Variants in EXTL3 observed in about 807,000 individuals in gnomAD.
EXTL3 encodes the protein exostosin-like 3.
Under a neutral mutation model 69.3 loss-of-function variants are expected in EXTL3, and 27 were observed. The observed-to-expected ratio is 0.39, with a 90% CI of 0.29 to 0.54. The LOEUF (loss-of-function observed/expected upper bound fraction) is 0.54, where lower values mean the gene tolerates loss of function less well. Ranked by LOEUF, EXTL3 falls within the 20% of genes least tolerant of loss-of-function variation. The pLI, the probability that EXTL3 is intolerant of heterozygous loss-of-function variation, is 0.69. For synonymous variants in EXTL3, 511 were observed against 499.4 expected, an observed-to-expected ratio of 1.02 and a Z score of -0.31; for missense variants, 1,003 against 1,231.8, an observed-to-expected ratio of 0.81 and a Z score of 2.78.
intron 1 of EXTL3, among the ~76,000 whole-genome samples, chr8:28,635,392 TAAAA>T (rs372980960): frequency 0.025 from 2,906 of 114,402 alleles, 97 homozygotes; most frequent in African/African-American, 0.081. Context: ...ACTGGTCTCT[TAAAA>T]AAAAAAAAAA....
chr8:28,715,808 A>G lies in EXTL3; in HGVS notation c.-252A>G, dbSNP rs567623206. 45 of 493,014 alleles carry G rather than the reference A, an allele frequency of 9.1e-5. No individual in the cohort carries two copies. The East Asian group carries it at 1.4e-3, about 16-fold the overall frequency. 30.5% of individuals were successfully genotyped at this position (493,014 alleles called of 1,614,324 possible). A position where few individuals can be genotyped will look rare whatever the true frequency, so the allele number is the denominator to read the frequency against. ...TCTCAGCAAGAATGTGGCACCTTTT[A>G]TCGTTTGATAAAGATTAAGGACATG... On this transcript the variant is annotated 5_prime_UTR_variant, in exon 3 of 7. Transcript: ENST00000220562.
chr8:28,650,410 T>G (rs567557997), intron 1 of EXTL3, among the ~76,000 whole-genome samples: 29 of 151,944 alleles, frequency 1.9e-4, no homozygotes, highest in African/African-American at 7.0e-4. Flanking sequence ...CAGGCTGGAG[T>G]GCAGTGGCGC....
chr8:28,681,866 C>T (rs1308416427), intron 1 of EXTL3, among the ~76,000 whole-genome samples: 1 of 152,128 alleles, frequency 6.6e-6, no homozygotes, highest in Non-Finnish European at 1.5e-5. Flanking sequence ...CCAGCCTGAC[C>T]AACATGGAGA....
chr8:28,698,124 T>C (rs1442523215), upstream of EXTL3: 1 of 152,188 alleles, frequency 6.6e-6, no homozygotes, highest in African/African-American at 2.4e-5. Context: ...GGTGTGAAAC[T>C]GTAGAGGATC....
intron 2 of EXTL3, among the ~76,000 whole-genome samples, chr8:28,611,868 C>A (rs574899996): frequency 6.6e-6 from 1 of 152,202 alleles, no homozygotes; most frequent in African/African-American, 2.4e-5. Context: ...CTGTTCGCTG[C>A]GATGCCAGCC....
At chr8:28,721,219 G>A (rs1252638941) in intron 3 of EXTL3, among the ~76,000 whole-genome samples, 13 of 152,168 alleles carry the variant, frequency 8.5e-5, no homozygotes, top group African/African-American at 2.7e-4. Context: ...GCCCTGTCTC[G>A]TGAATGGCCA....
intron 1 of EXTL3, 99 bp from the exon 2 acceptor site, chr8:28,713,358 A>T (rs1276420756): frequency 1.7e-6 from 1 of 594,852 alleles, no homozygotes; most frequent in Non-Finnish European, 3.0e-6. Flanking sequence ...TTCATAGGGG[A>T]CAGTAAATAG....
At position 28,751,319 on chromosome 8, in the gene EXTL3, G is replaced by A. The variant is rs1380186417; in HGVS notation, c.*453G>A. ...TATATATTTTTGGCTGGGGGAGTGT[G>A]AGTTTTGCCTTTCTAAGGGAGGGAC... is the stretch of plus-strand genomic sequence containing the variant. On this transcript the variant is annotated 3_prime_UTR_variant, in exon 7 of 7. Transcript: ENST00000220562. The A allele has an allele frequency of 5.6e-6, 1 of 178,368 alleles. No individual in the cohort carries two copies. The highest frequency in any genetic ancestry group is 1.2e-5 in the Non-Finnish European group (1 of 82,702). 11.0% of individuals were successfully genotyped at this position (178,368 alleles called of 1,614,324 possible). A position where few individuals can be genotyped will look rare whatever the true frequency, so the allele number is the denominator to read the frequency against.
chr8:28,675,332 C>T (rs1027393674), intron 1 of EXTL3, among the ~76,000 whole-genome samples: 6 of 152,144 alleles, frequency 3.9e-5, no homozygotes, highest in African/African-American at 1.2e-4. Context: ...ACTCATCGTG[C>T]AACACTTGCT....
intron 1 of EXTL3, among the ~76,000 whole-genome samples, chr8:28,652,493 CAA>C (rs1056719191): frequency 1.4e-5 from 2 of 145,110 alleles, no homozygotes; most frequent in East Asian, 4.0e-4. Flanking sequence ...CCCATAGCTA[CAA>C]AAAAAAAAAT....
At chr8:28,685,237 A>C (rs1246330536) in intron 1 of EXTL3, among the ~76,000 whole-genome samples, 1 of 152,204 alleles carries the variant, frequency 6.6e-6, no homozygotes, top group Admixed American at 6.5e-5. Context: ...GGCGTGAGCC[A>C]CCATGCCCAG....
intron 1 of EXTL3, among the ~76,000 whole-genome samples, chr8:28,632,923 T>C (rs1401187534): frequency 6.6e-6 from 1 of 152,192 alleles, no homozygotes; most frequent in South Asian, 2.1e-4. Context: ...CGGCAGATGG[T>C]ATATATTAGT....
chr8:28,671,146 AATTTTTTGT>A (rs963571743), intron 1 of EXTL3, among the ~76,000 whole-genome samples: 1 of 151,416 alleles, frequency 6.6e-6, no homozygotes, highest in Non-Finnish European at 1.5e-5. Flanking sequence ...ACGCCCAGCT[AATTTTTTGT>A]ATTTTTAGTA....
chr8:28,708,518 C>T (rs773331130), intron 1 of EXTL3, among the ~76,000 whole-genome samples: 15 of 150,584 alleles, frequency 1.0e-4, no homozygotes, highest in South Asian at 6.3e-4. Flanking sequence ...CCTGACTTCA[C>T]GAACTAGGTA....
In EXTL3 at chr8:28,730,991, C is replaced by T. The variant is rs145673466; in HGVS notation, c.2149-232C>T. The stretch of plus-strand genomic sequence containing the variant: ...TAATCTTCAGCTTTTGCTTGATTCA[C>T]AAGAAAATTAGCTAACTAATGAATG... On this transcript the variant is annotated intron_variant, in intron 3 of 6. Transcript: ENST00000220562. Among the ~76,000 whole-genome samples the T allele has an allele frequency of 1.9e-3, 291 of 152,222 alleles. 3 individuals carry two copies. Among genetic ancestry groups the T allele is most frequent in the Middle Eastern group, 0.017 (5 of 294 alleles).
intron 2 of EXTL3, among the ~76,000 whole-genome samples, chr8:28,608,077 T>C (rs1170855119): frequency 6.8e-6 from 1 of 147,860 alleles, no homozygotes; most frequent in Non-Finnish European, 1.5e-5. Flanking sequence ...GCCACTGCAC[T>C]CCAGCCTGGG....
chr8:28,735,428 A>G (rs191547781), intron 4 of EXTL3, among the ~76,000 whole-genome samples: 2 of 152,316 alleles, frequency 1.3e-5, no homozygotes, highest in Admixed American at 6.5e-5. Context: ...GGGACTTCTT[A>G]CCTTGCCCGT....
chr8:28,676,598 T>C (rs190806692), intron 1 of EXTL3, among the ~76,000 whole-genome samples: 1 of 152,310 alleles, frequency 6.6e-6, no homozygotes, highest in Non-Finnish European at 1.5e-5. Context: ...AGACATAAAT[T>C]TGAGAACCAC....
chr8:28,717,149 G>C lies in EXTL3; in HGVS notation c.1090G>C (p.Glu364Gln), dbSNP rs777463050. The stretch of plus-strand genomic sequence containing the variant: ...TAGCCTTCAGGAGGCCCGCTCCTTC[G>C]AAGAGGAAATGGAGGGCGACCCTCC... The part of the protein sequence containing the change: ...RSSLQEARSF[E>Q]EEMEGDPPAD... The change falls in exon 3 of 7, where the codon GAA (glutamate) becomes CAA (glutamine). Residue 364 changes from glutamate to glutamine, a missense_variant. By Grantham distance (29) the Glu-to-Gln change is conservative (BLOSUM62 2). This residue lies in a region of EXTL3 where 742 missense variants were observed against 815.4 expected (regional missense o/e 0.91). Transcript: ENST00000220562. This position sits in a 1 kb window ranked among gnomAD's most constrained non-coding sequence, Gnocchi z 8.3. The C allele has an allele frequency of 6.2e-7, 1 of 1,614,226 alleles. No homozygotes were observed. Among genetic ancestry groups the C allele is most frequent in the Admixed American group, 1.7e-5 (1 of 60,034 alleles).
Sources: gnomAD v4.1 joint callset for allele counts (sites outside exome capture counted in the v4.1 genomes callset) on GRCh38, gnomAD v4.1.1 for gene constraint, gnomAD v4.1.1 regional missense constraint, Gnocchi (gnomAD v3.1) non-coding constraint, MANE v1.5 for transcripts, NCBI Gene and HGNC (gene_info 2026-07-23, HGNC 2026-07-21) for gene names.